The following MCTP1 variants were observed in gnomAD, a reference collection of about 807,000 sequenced individuals.
MCTP1 encodes the protein multiple C2 and transmembrane domain-containing protein 1.
A neutral mutation model predicts 120.6 loss-of-function variants in MCTP1; 69 were observed. The ratio of observed to expected loss-of-function variants is 0.57; its 90% confidence interval spans 0.47 to 0.70. MCTP1 has a LOEUF of 0.70. Ranked by LOEUF, MCTP1 falls within the 30% of genes least tolerant of loss-of-function variation. The pLI is 0.00. For missense variants in MCTP1, 1,203 were observed against 1,248.8 expected (o/e 0.96, Z 0.55); for synonymous variants, 529 against 493.1 (o/e 1.07, Z -0.96).
intron 1 of MCTP1, among the ~76,000 whole-genome samples, chr5:95,126,819 T>C (rs779876140): frequency 1.3e-5 from 2 of 152,192 alleles, no homozygotes; most frequent in African/African-American, 2.4e-5. Context: ...TTTAATAAAC[T>C]CAATGTGCCC....
intron 19 of MCTP1, among the ~76,000 whole-genome samples, chr5:94,716,282 A>C (rs1056254852): frequency 2.0e-5 from 3 of 152,232 alleles, no homozygotes; most frequent in Admixed American, 1.3e-4. Context: ...GCTTAATAAC[A>C]GTATTGGGAA....
At chr5:95,183,114 CAGAAT>C (rs1748801191) in intron 1 of MCTP1, among the ~76,000 whole-genome samples, 2 of 151,226 alleles carry the variant, frequency 1.3e-5, no homozygotes, top group South Asian at 4.2e-4. Flanking sequence ...ATCAGTGGAA[CAGAAT>C]AGAGTCCAGA....
chr5:94,733,030 G>A (rs1338153228), intron 19 of MCTP1, among the ~76,000 whole-genome samples: 1 of 152,092 alleles, frequency 6.6e-6, no homozygotes, highest in Non-Finnish European at 1.5e-5. Flanking sequence ...ATTATTTAGA[G>A]TAATTTTATC....
intron 17 of MCTP1, among the ~76,000 whole-genome samples, chr5:94,846,006 G>A (rs777314358): frequency 7.9e-5 from 12 of 152,184 alleles, no homozygotes; most frequent in Non-Finnish European, 1.3e-4. Flanking sequence ...AATAACAGAT[G>A]CTGGTTAGGT....
intron 2 of MCTP1, among the ~76,000 whole-genome samples, chr5:94,999,067 T>G (rs1395103073): frequency 6.6e-6 from 1 of 152,240 alleles, no homozygotes; most frequent in African/African-American, 2.4e-5. Context: ...ACCTCCGTTA[T>G]AGTTGCCATA....
At chr5:95,195,856 G>C (rs1316561559) in intron 1 of MCTP1, among the ~76,000 whole-genome samples, 1 of 152,170 alleles carries the variant, frequency 6.6e-6, no homozygotes, top group Non-Finnish European at 1.5e-5. Context: ...AGGGATTAAA[G>C]ACCTTTCTCT....
In MCTP1 at chr5:94,932,353, T is replaced by A. The variant is rs575364035; in HGVS notation, c.1174-362A>T. The stretch of plus-strand genomic sequence containing the variant: ...GTTGTACATGACTTGAACAGGTATA[T>A]AATAATTTTTCTCTTCAAACACATT... On this transcript the variant is annotated intron_variant, in intron 5 of 22. Transcript: ENST00000515393. 7.2e-5 allele frequency among the ~76,000 whole-genome samples: 11 copies of A among 151,914 alleles called. No homozygotes were observed. The South Asian group carries it at 2.3e-3, about 32-fold the overall frequency.
chr5:94,929,638 C>T, intron 6 of MCTP1: 2 of 982,952 alleles, frequency 2.0e-6, no homozygotes, highest in Non-Finnish European at 2.4e-6. Context: ...CCCTTAGTTT[C>T]CCAGGAAGCA....
intron 19 of MCTP1, among the ~76,000 whole-genome samples, chr5:94,737,305 AGATAATGGTAGTATCTAACATATTG>A (rs1449680580): frequency 6.6e-6 from 1 of 152,244 alleles, no homozygotes; most frequent in Non-Finnish European, 1.5e-5. Flanking sequence ...AAACACTGCC[AGATAATGGTAGTATCTAACATATTG>A]GGGCACACAT....
chr5:94,903,469 G>A (rs777534835), intron 10 of MCTP1, among the ~76,000 whole-genome samples: 2 of 152,162 alleles, frequency 1.3e-5, no homozygotes, highest in African/African-American at 2.4e-5. Context: ...CATCTAAACA[G>A]TTCACATTCT....
chr5:94,773,899 A>T (rs1774671646), intron 19 of MCTP1, among the ~76,000 whole-genome samples: 1 of 152,112 alleles, frequency 6.6e-6, no homozygotes, highest in Admixed American at 6.6e-5. Context: ...TTGTGTGCGG[A>T]CACGGCCAAA....
chr5:95,063,863 A>G (rs141532682), intron 1 of MCTP1, among the ~76,000 whole-genome samples: 2 of 152,266 alleles, frequency 1.3e-5, no homozygotes, highest in East Asian at 3.9e-4. Flanking sequence ...GAGTCCTCTA[A>G]AGTGTAATCC....
chr5:95,193,358 C>T (rs1240239895), intron 1 of MCTP1, among the ~76,000 whole-genome samples: 1 of 152,080 alleles, frequency 6.6e-6, no homozygotes, highest in Non-Finnish European at 1.5e-5. Flanking sequence ...ATTTGCATGG[C>T]ACTTTTCTAT....
chr5:94,721,848 T>TG (rs375033030), intron 19 of MCTP1, among the ~76,000 whole-genome samples: 33 of 150,936 alleles, frequency 2.2e-4, no homozygotes, highest in East Asian at 1.2e-3. Context: ...TGTTTTGTTT[T>TG]TTTTTTTTTA....
chr5:95,059,539 G>T (rs958601917), intron 1 of MCTP1, among the ~76,000 whole-genome samples: 12 of 151,540 alleles, frequency 7.9e-5, no homozygotes, highest in Admixed American at 5.9e-4. Flanking sequence ...TAATAAACCT[G>T]CACATGCACC....
chr5:94,970,333 A>G (rs1426855140), intron 2 of MCTP1, among the ~76,000 whole-genome samples: 1 of 152,030 alleles, frequency 6.6e-6, no homozygotes, highest in Non-Finnish European at 1.5e-5. Context: ...CATACAACTT[A>G]TTCAAATTTG....
At chr5:95,140,468 T>G (rs1430515957) in intron 1 of MCTP1, among the ~76,000 whole-genome samples, 1 of 152,112 alleles carries the variant, frequency 6.6e-6, no homozygotes, top group African/African-American at 2.4e-5. Context: ...TAGACTGGTA[T>G]TTTGAAGATT....
intron 1 of MCTP1, among the ~76,000 whole-genome samples, chr5:95,037,634 G>A (rs1841577793): frequency 6.6e-6 from 1 of 152,212 alleles, no homozygotes; most frequent in African/African-American, 2.4e-5. Context: ...GAGAGGCCAA[G>A]GCAGGTGGAT....
At chr5:95,016,912 G>C (rs1389566729) in intron 2 of MCTP1, among the ~76,000 whole-genome samples, 1 of 152,046 alleles carries the variant, frequency 6.6e-6, no homozygotes, top group Non-Finnish European at 1.5e-5. Flanking sequence ...ATCTGACCAG[G>C]CCTCAAAAGA....
Sources: gnomAD v4.1 joint callset for allele counts (sites outside exome capture counted in the v4.1 genomes callset) on GRCh38, gnomAD v4.1.1 for gene constraint, MANE v1.5 for transcripts, NCBI Gene and HGNC (gene_info 2026-07-23, HGNC 2026-07-21) for gene names.